The following ELMO1 variants were observed in gnomAD, a reference collection of about 807,000 sequenced individuals.
The protein encoded by ELMO1 is engulfment and cell motility protein 1.
A neutral mutation model predicts 98.9 loss-of-function variants in ELMO1; 26 were observed. That is an observed-to-expected ratio of 0.26 (90% CI 0.19 to 0.36). The LOEUF is 0.36. Ranked by LOEUF, ELMO1 falls within the 10% of genes least tolerant of loss-of-function variation. ELMO1 has a pLI of 1.00. For missense variants in ELMO1, 627 were observed against 935.2 expected (o/e 0.67, Z 4.30); for synonymous variants, 346 against 346.0 (o/e 1.00, Z 0.00).
In ELMO1 at chr7:37,079,322, A is replaced by G. The variant is rs141980737; in HGVS notation, c.1300+17297T>C. Among the ~76,000 whole-genome samples, 11 of 152,366 alleles carry G rather than the reference A, an allele frequency of 7.2e-5. No individual in the cohort carries two copies. In the East Asian group the frequency reaches 2.1e-3, roughly 29 times the overall value. On this transcript the variant is annotated intron_variant, in intron 15 of 21. Coordinates refer to ENST00000310758, the MANE Select transcript of ELMO1 (RefSeq NM_014800.11). ...TATCAGTACCTCTCAAACTATCTGCAGTGAAAACCAGTTTGTTTTCAATGT... is the reference window on the plus strand; with the variant it reads ...TATCAGTACCTCTCAAACTATCTGCGGTGAAAACCAGTTTGTTTTCAATGT...
chr7:37,365,261 AAG>A (rs1452777685), intron 1 of ELMO1, among the ~76,000 whole-genome samples: 7 of 152,188 alleles, frequency 4.6e-5, no homozygotes, highest in Admixed American at 4.6e-4. Flanking sequence ...TGGAAAATAA[AAG>A]AGGTTGTTTT....
chr7:37,307,224 C>T (rs1244054996), intron 4 of ELMO1, among the ~76,000 whole-genome samples: 1 of 152,144 alleles, frequency 6.6e-6, no homozygotes, highest in Non-Finnish European at 1.5e-5. Context: ...GCTGTGTCTC[C>T]ACCCAAATCT....
intron 1 of ELMO1, chr7:37,429,307 C>T (rs1467062921): frequency 1.3e-5 from 2 of 152,250 alleles, no homozygotes; most frequent in African/African-American, 4.8e-5. Context: ...GATTCCACAT[C>T]CATTCCGGGT....
intron 18 of ELMO1, among the ~76,000 whole-genome samples, chr7:36,878,941 C>G (rs1220272315): frequency 2.0e-5 from 3 of 152,238 alleles, no homozygotes; most frequent in Non-Finnish European, 4.4e-5. Flanking sequence ...GCAGCTGTCT[C>G]CTCCAGGAAG....
chr7:37,427,748 G>C (rs1020189099), intron 1 of ELMO1, among the ~76,000 whole-genome samples: 6 of 152,176 alleles, frequency 3.9e-5, no homozygotes, highest in African/African-American at 1.4e-4. Context: ...AAGAGGAGAA[G>C]GGAGCTGACA....
chr7:37,091,685 C>T (rs762095529), intron 15 of ELMO1, among the ~76,000 whole-genome samples: 43 of 152,050 alleles, frequency 2.8e-4, no homozygotes, highest in Non-Finnish European at 4.4e-4. Flanking sequence ...TCTGTTTTCA[C>T]GCTGCTGCTA....
chr7:37,443,880 T>G (rs541608230), intron 1 of ELMO1, among the ~76,000 whole-genome samples: 4 of 152,132 alleles, frequency 2.6e-5, no homozygotes, highest in Non-Finnish European at 5.9e-5. Context: ...TCATGATCCT[T>G]TTATTATGGA....
At chr7:37,089,345 C>G (rs1248144131) in intron 15 of ELMO1, among the ~76,000 whole-genome samples, 1 of 151,980 alleles carries the variant, frequency 6.6e-6, no homozygotes, top group Non-Finnish European at 1.5e-5. Context: ...AGGTTTCTTT[C>G]TTGCTTTTTT....
At chr7:37,097,129 C>G (rs1258810901) in intron 14 of ELMO1, among the ~76,000 whole-genome samples, 1 of 152,144 alleles carries the variant, frequency 6.6e-6, no homozygotes, top group East Asian at 1.9e-4. Flanking sequence ...GGATATTTTC[C>G]AAGGAAGTCC....
At chr7:36,959,374 A>C (rs1788748327) in intron 16 of ELMO1, among the ~76,000 whole-genome samples, 1 of 152,132 alleles carries the variant, frequency 6.6e-6, no homozygotes, top group Non-Finnish European at 1.5e-5. Flanking sequence ...TCAAAATAAA[A>C]GCCAAAGTCC....
intron 15 of ELMO1, among the ~76,000 whole-genome samples, chr7:37,085,143 A>G (rs1249046680): frequency 6.6e-6 from 1 of 152,128 alleles, no homozygotes; most frequent in Non-Finnish European, 1.5e-5. Context: ...TATTCCAACC[A>G]CCAGGTAAAT....
chr7:37,259,234 A>G lies in ELMO1; in HGVS notation c.360T>C (p.Phe120=), dbSNP rs1158626495. The G allele has an allele frequency of 1.9e-6, 3 of 1,614,120 alleles. No individual in the cohort carries two copies. Among genetic ancestry groups the G allele is most frequent in the African/African-American group, 2.7e-5 (2 of 75,016 alleles). ...GGAGAGAGATACCGTCCAGGTTTAT[A>G]AACTCCTGGGCAAACGTGACATCCC... ...LSRDVTFAQE[F]INLDGISLLT... The change falls in exon 6 of 22, where the codon TTT becomes TTC. Residue 120 remains phenylalanine (F), a synonymous_variant. Transcript: ENST00000310758.
chr7:37,155,951 G>C (rs184131696), intron 13 of ELMO1, among the ~76,000 whole-genome samples: 367 of 152,212 alleles, frequency 2.4e-3, no homozygotes, highest in African/African-American at 8.6e-3. Flanking sequence ...AAATGTAAAA[G>C]AACAGAAATT....
intron 15 of ELMO1, among the ~76,000 whole-genome samples, chr7:37,068,057 T>C (rs777610118): frequency 1.3e-5 from 2 of 152,128 alleles, no homozygotes; most frequent in Non-Finnish European, 2.9e-5. Flanking sequence ...CAACAGGTAA[T>C]AGGCACAGAT....
At chr7:37,155,188 G>C (rs1358884436) in intron 13 of ELMO1, among the ~76,000 whole-genome samples, 1 of 152,160 alleles carries the variant, frequency 6.6e-6, no homozygotes, top group Non-Finnish European at 1.5e-5. Flanking sequence ...CAACTGATAT[G>C]AGCCACTGCT....
At chr7:37,103,723 G>A (rs935923325) in intron 14 of ELMO1, among the ~76,000 whole-genome samples, 1 of 152,026 alleles carries the variant, frequency 6.6e-6, no homozygotes, top group African/African-American at 2.4e-5. Context: ...AAGGCTGGGA[G>A]CAGTGGTTCA....
chr7:37,274,699 C>A (rs1796732794), intron 4 of ELMO1, among the ~76,000 whole-genome samples: 1 of 152,110 alleles, frequency 6.6e-6, no homozygotes, highest in Non-Finnish European at 1.5e-5. Context: ...ATTACAGGAG[C>A]CTGTCACCAA....
intron 13 of ELMO1, among the ~76,000 whole-genome samples, chr7:37,203,569 C>A (rs1474296487): frequency 6.6e-6 from 1 of 151,218 alleles, no homozygotes; most frequent in Non-Finnish European, 1.5e-5. Context: ...TGAGCCCGGG[C>A]ACCTAAAGAA....
chr7:37,164,914 TA>T (rs2129647223), intron 13 of ELMO1, among the ~76,000 whole-genome samples: 1 of 151,886 alleles, frequency 6.6e-6, no homozygotes, highest in East Asian at 1.9e-4. Context: ...ATTGAATCTA[TA>T]AATTACCTTG....
Sources: allele counts gnomAD v4.1 joint callset (sites outside exome capture counted in the v4.1 genomes callset), GRCh38; gene constraint gnomAD v4.1.1; transcripts MANE v1.5; gene names NCBI Gene and HGNC (gene_info 2026-07-23, HGNC 2026-07-21).